PCDHA9: variants seen among roughly 807,000 people sequenced by gnomAD.
The protein encoded by PCDHA9 is protocadherin alpha-9.
Under a neutral mutation model 62.0 loss-of-function variants are expected in PCDHA9, and 62 were observed. That is an observed-to-expected ratio of 1.00 (90% CI 0.81 to 1.23). The LOEUF is 1.23. Among genes scored for constraint, PCDHA9 ranks in the 50% most tolerant of loss-of-function variants. The pLI, the probability that PCDHA9 is intolerant of heterozygous loss-of-function variation, is 0.00. For missense variants in PCDHA9, 1,205 were observed against 1,249.8 expected (o/e 0.96, Z 0.54); for synonymous variants, 557 against 567.6 (o/e 0.98, Z 0.27).
At chr5:140,864,945 C>A (rs2048665503) in intron 1 of PCDHA9, 1 of 152,120 alleles carries the variant, frequency 6.6e-6, no homozygotes, top group African/African-American at 2.4e-5. Flanking sequence ...GGCCTGTAAT[C>A]CCAGCATTTT....
At chr5:140,941,204 T>TTTCC (rs1348435161) in intron 1 of PCDHA9, among the ~76,000 whole-genome samples, 2 of 88,662 alleles carry the variant, frequency 2.3e-5, no homozygotes, top group Non-Finnish European at 4.4e-5. Flanking sequence ...TCTTTCTTCC[T>TTTCC]TTCTTTCTTC....
At chr5:140,969,584 G>C in intron 1 of PCDHA9, 1 of 907,936 alleles carries the variant, frequency 1.1e-6, no homozygotes, top group Non-Finnish European at 1.6e-6. Context: ...GTGAGGATTA[G>C]TCTTAATATT....
chr5:140,985,021 T>A (rs2097132867), intron 3 of PCDHA9, among the ~76,000 whole-genome samples: 1 of 151,956 alleles, frequency 6.6e-6, no homozygotes, highest in African/African-American at 2.4e-5. Flanking sequence ...CACAGCAACC[T>A]CTGCCTCCTG....
At chr5:140,983,767 A>C (rs550605597) in intron 3 of PCDHA9, among the ~76,000 whole-genome samples, 23 of 152,326 alleles carry the variant, frequency 1.5e-4, no homozygotes, top group African/African-American at 5.3e-4. Context: ...TCAAATACAT[A>C]TCTACATACA....
At chr5:140,988,157 G>A (rs1344911037) in intron 3 of PCDHA9, among the ~76,000 whole-genome samples, 5 of 152,014 alleles carry the variant, frequency 3.3e-5, no homozygotes, top group African/African-American at 7.3e-5. Context: ...AACTTCTGCC[G>A]TTGTCATAGC....
At position 140,885,285 on chromosome 5, in the gene PCDHA9, T is replaced by G. The variant is rs146462007; in HGVS notation, c.2394+34396T>G. On this transcript the variant is annotated intron_variant, in intron 1 of 3. Transcript: ENST00000532602. ...ACTCATACATATATATATACATATA[T>G]AGAGAGAGACCTGGTAGGCTTTTTG... 7.5e-4 allele frequency among the ~76,000 whole-genome samples: 114 copies of G among 152,298 alleles called. No individual in the cohort carries two copies. In the East Asian group the frequency reaches 9.8e-3, roughly 13 times the overall value.
intron 1 of PCDHA9, chr5:140,866,748 C>CT (rs2049539198): frequency 6.6e-6 from 1 of 152,148 alleles, no homozygotes; most frequent in Non-Finnish European, 1.5e-5. Context: ...ACTTATATGA[C>CT]TAACAGGACA....
chr5:140,918,238 T>A (rs1486197237), intron 1 of PCDHA9, among the ~76,000 whole-genome samples: 3 of 152,176 alleles, frequency 2.0e-5, no homozygotes, highest in African/African-American at 7.2e-5. Context: ...GTACATTGAT[T>A]TTGTATGCTG....
At chr5:140,988,545 T>C (rs1164667441) in intron 3 of PCDHA9, among the ~76,000 whole-genome samples, 1 of 152,150 alleles carries the variant, frequency 6.6e-6, no homozygotes, top group African/African-American at 2.4e-5. Context: ...ATTCATGACT[T>C]TCTTCATCTT....
intron 1 of PCDHA9, among the ~76,000 whole-genome samples, chr5:140,924,615 C>G (rs142536325): frequency 6.6e-6 from 1 of 152,150 alleles, no homozygotes; most frequent in African/African-American, 2.4e-5. Flanking sequence ...ATGCCAGGTG[C>G]GGTGGCATGG....
At position 140,850,783 on chromosome 5, in the gene PCDHA9, G is replaced by T; in HGVS notation, c.2288G>T (p.Gly763Val). 1 of 1,598,172 alleles carries T rather than the reference G, an allele frequency of 6.3e-7. No individual in the cohort carries two copies. The highest frequency in any genetic ancestry group is 8.6e-7 in the Non-Finnish European group (1 of 1,167,708). Reference sequence around the variant, plus strand: ...AGGCAGAGGGTGTGCTCTGGCGAGGGTAAGCAGAAGACCGACCTCATGGCC... The same window carrying T: ...AGGCAGAGGGTGTGCTCTGGCGAGGTTAAGCAGAAGACCGACCTCATGGCC... ...QRRQRVCSGE[G>V]KQKTDLMAFS... is the part of the protein sequence containing the mutation. Residue 763 changes from glycine (G) to valine (V), a missense_variant, in exon 1 of 4, where the codon GGT (glycine) becomes GTT (valine). Around this residue, in one of 3 missense-constraint regions of PCDHA9, gnomAD observed 887 missense variants for 809.5 expected, o/e 1.10. Transcript: ENST00000532602.
At chr5:140,975,003 A>G (rs1170426656) in intron 1 of PCDHA9, among the ~76,000 whole-genome samples, 3 of 152,152 alleles carry the variant, frequency 2.0e-5, no homozygotes, top group Non-Finnish European at 4.4e-5. Flanking sequence ...CAAGGCTGAA[A>G]TGAACACAGC....
intron 1 of PCDHA9, chr5:140,929,108 C>T (rs1255119645): frequency 6.2e-7 from 1 of 1,614,080 alleles, no homozygotes; most frequent in African/African-American, 1.3e-5. Flanking sequence ...TGCATGACAT[C>T]AGCCACCATA....
Position 140,858,208 on chromosome 5 carries a change from G to A in PCDHA9, c.2394+7319G>A. 3 of 1,595,856 alleles carry A rather than the reference G, an allele frequency of 1.9e-6. 1 individual carries two copies. The highest frequency in any genetic ancestry group is 2.6e-6 in the Non-Finnish European group (3 of 1,166,438). ...CGCTGCTGCTGTACACTGCACTGAG[G>A]TGCTCGGCGGCGCCCACCGAGGGCG... On this transcript the variant is annotated intron_variant, in intron 1 of 3. Coordinates refer to ENST00000532602, the MANE Select transcript of PCDHA9 (RefSeq NM_031857.2).
At chr5:140,939,060 A>G (rs1435006375) in intron 1 of PCDHA9, among the ~76,000 whole-genome samples, 1 of 152,208 alleles carries the variant, frequency 6.6e-6, no homozygotes, top group Non-Finnish European at 1.5e-5. Flanking sequence ...TTGGGCTGCT[A>G]TATCAAAATA....
chr5:140,892,185 C>T (rs569665979), intron 1 of PCDHA9, among the ~76,000 whole-genome samples: 1 of 152,254 alleles, frequency 6.6e-6, no homozygotes, highest in East Asian at 1.9e-4. Flanking sequence ...CCTCATGGGT[C>T]TATTCCTGTG....
At chr5:140,991,991 T>C (rs1420188681) in intron 3 of PCDHA9, among the ~76,000 whole-genome samples, 1 of 151,444 alleles carries the variant, frequency 6.6e-6, no homozygotes, top group Admixed American at 6.6e-5. Context: ...TACCACCCGG[T>C]CTTTCATGTT....
At chr5:140,967,107 G>C (rs782199698) in intron 1 of PCDHA9, 1 of 1,612,994 alleles carries the variant, frequency 6.2e-7, no homozygotes. Flanking sequence ...TGTGAGCAGC[G>C]GCCTCGCTGC....
chr5:140,877,298 A>C, intron 1 of PCDHA9: 1 of 1,613,870 alleles, frequency 6.2e-7, no homozygotes. Flanking sequence ...TGGCTGTCCT[A>C]CGAGTTGCAA....
Sources: allele counts gnomAD v4.1 joint callset (sites outside exome capture counted in the v4.1 genomes callset), GRCh38; gene constraint gnomAD v4.1.1; regional missense constraint gnomAD v4.1.1; transcripts MANE v1.5; gene names NCBI Gene and HGNC (gene_info 2026-07-23, HGNC 2026-07-21).